The following TMEM74 variants were observed in gnomAD, a reference collection of about 807,000 sequenced individuals.
TMEM74 encodes transmembrane protein 74.
Under a neutral mutation model 18.1 loss-of-function variants are expected in TMEM74, and 13 were observed. The ratio of observed to expected loss-of-function variants is 0.72; its 90% confidence interval spans 0.47 to 1.14. The LOEUF is 1.14. Ranked by LOEUF, TMEM74 falls within the 50% of genes most tolerant of loss-of-function variation. The probability of loss-of-function intolerance (pLI) is 0.00; values close to 1 mark genes in which losing one functional copy is unlikely to be tolerated. For synonymous variants in TMEM74, 159 were observed against 146.6 expected (o/e 1.08, Z -0.61); for missense variants, 372 against 375.9 (o/e 0.99, Z 0.09).
At chr8:108,756,599 A>AGAAAGGGAGGAAGG (rs1586286215) in intron 1 of TMEM74, among the ~76,000 whole-genome samples, 10 of 51,554 alleles carry the variant, frequency 1.9e-4, no homozygotes, top group South Asian at 1.2e-3. Flanking sequence ...AAAGAAAGAG[A>AGAAAGGGAGGAAGG]AAGGAAGGAA....
At chr8:108,745,839 T>C (rs1813843584) in intron 1 of TMEM74, among the ~76,000 whole-genome samples, 1 of 152,198 alleles carries the variant, frequency 6.6e-6, no homozygotes, top group African/African-American at 2.4e-5. Context: ...ATCAGTTATG[T>C]TATCTATAGA....
intron 1 of TMEM74, among the ~76,000 whole-genome samples, chr8:108,772,626 G>A (rs1169628594): frequency 6.6e-6 from 1 of 152,126 alleles, no homozygotes; most frequent in Non-Finnish European, 1.5e-5. Flanking sequence ...GGAGGGAAGG[G>A]CAAACAGTTT....
chr8:108,690,940 A>G (rs1165230786), intron 1 of TMEM74, among the ~76,000 whole-genome samples: 1 of 152,226 alleles, frequency 6.6e-6, no homozygotes, highest in Non-Finnish European at 1.5e-5. Flanking sequence ...GCAGGAGCTC[A>G]CAAAGTTAAT....
chr8:108,709,745 A>G (rs1056506260), intron 1 of TMEM74, among the ~76,000 whole-genome samples: 1 of 152,192 alleles, frequency 6.6e-6, no homozygotes, highest in Non-Finnish European at 1.5e-5. Flanking sequence ...AACAAAGGGA[A>G]ATAAGGAAAA....
chr8:108,688,985 C>G (rs2130605598), intron 1 of TMEM74, among the ~76,000 whole-genome samples: 1 of 152,296 alleles, frequency 6.6e-6, no homozygotes, highest in African/African-American at 2.4e-5. Context: ...AGTCTGTATG[C>G]CAAGGGAATG....
At chr8:108,611,461 T>C (rs1195422746) in intron 2 of TMEM74, among the ~76,000 whole-genome samples, 1 of 152,204 alleles carries the variant, frequency 6.6e-6, no homozygotes, top group Non-Finnish European at 1.5e-5. Flanking sequence ...TTATAGTTAG[T>C]ATTTCATATT....
At chr8:108,657,858 AAATATATATATATATATATAT>A (rs1447684097) in intron 1 of TMEM74, among the ~76,000 whole-genome samples, 10 of 71,040 alleles carry the variant, frequency 1.4e-4, no homozygotes, top group South Asian at 1.1e-3. Flanking sequence ...AAAAAAAAAA[AAATATATATATATATATATAT>A]ATATATATAT....
intron 2 of TMEM74, among the ~76,000 whole-genome samples, chr8:108,614,590 A>G (rs539183164): frequency 8.8e-4 from 134 of 152,348 alleles, no homozygotes; most frequent in African/African-American, 2.8e-3. Flanking sequence ...TGTGAATGCT[A>G]CTAAACCATC....
chr8:108,746,188 C>T (rs1395492057), intron 1 of TMEM74, among the ~76,000 whole-genome samples: 1 of 152,084 alleles, frequency 6.6e-6, no homozygotes, highest in African/African-American at 2.4e-5. Flanking sequence ...TCAATGTTGT[C>T]CCAAGGAAAA....
intron 2 of TMEM74, among the ~76,000 whole-genome samples, chr8:108,637,011 C>A (rs932382616): frequency 2.0e-5 from 3 of 152,042 alleles, no homozygotes; most frequent in Non-Finnish European, 2.9e-5. Flanking sequence ...TACTATTAAG[C>A]AAGAGGTTCC....
chr8:108,713,887 A>T (rs1542830), intron 1 of TMEM74, among the ~76,000 whole-genome samples: 55,673 of 152,096 alleles, frequency 0.37, 10,664 homozygotes, highest in East Asian at 0.6. Flanking sequence ...TCCAAGGCCA[A>T]AGGCCTGAGA....
intron 2 of TMEM74, among the ~76,000 whole-genome samples, chr8:108,619,435 A>G (rs1267415064): frequency 6.6e-6 from 1 of 152,160 alleles, no homozygotes; most frequent in African/African-American, 2.4e-5. Flanking sequence ...AGAGGGCTGA[A>G]GCCTGTCCAC....
chr8:108,652,809 T>C (rs1157364436), intron 2 of TMEM74: 12 of 528,482 alleles, frequency 2.3e-5, no homozygotes, highest in Non-Finnish European at 4.3e-5. Flanking sequence ...AAAGAAGGAA[T>C]TGAGTAGACT....
intron 1 of TMEM74, among the ~76,000 whole-genome samples, chr8:108,723,642 A>G (rs979280202): frequency 8.5e-5 from 13 of 152,236 alleles, no homozygotes; most frequent in African/African-American, 2.7e-4. Context: ...ATTAACTTCA[A>G]TGCTCTGAAT....
chr8:108,623,275 C>A (rs2130545027), intron 2 of TMEM74, among the ~76,000 whole-genome samples: 1 of 152,186 alleles, frequency 6.6e-6, no homozygotes, highest in East Asian at 1.9e-4. Flanking sequence ...ACATTTAGGT[C>A]TTCAAAACTA....
At chr8:108,632,277 A>G (rs976086934) in intron 2 of TMEM74, among the ~76,000 whole-genome samples, 1 of 152,004 alleles carries the variant, frequency 6.6e-6, no homozygotes, top group South Asian at 2.1e-4. Flanking sequence ...GGACAGAAAA[A>G]ATGCTATCTT....
intron 1 of TMEM74, among the ~76,000 whole-genome samples, chr8:108,733,857 A>T (rs1326618513): frequency 6.6e-6 from 1 of 152,352 alleles, no homozygotes; most frequent in East Asian, 1.9e-4. Context: ...GGTATAAGCC[A>T]GTTGCTGAAA....
At chr8:108,658,592 A>G (rs758649365) in intron 1 of TMEM74, among the ~76,000 whole-genome samples, 23 of 152,198 alleles carry the variant, frequency 1.5e-4, no homozygotes, top group Non-Finnish European at 2.9e-4. Flanking sequence ...AAGGATTATG[A>G]GGAAAAAAGA....
chr8:108,722,266 C>A (rs764905270), intron 1 of TMEM74, among the ~76,000 whole-genome samples: 3 of 152,166 alleles, frequency 2.0e-5, no homozygotes, highest in Non-Finnish European at 4.4e-5. Flanking sequence ...GGGATTAGAA[C>A]ACAGACATCT....
Sources: allele counts gnomAD v4.1 joint callset (sites outside exome capture counted in the v4.1 genomes callset), GRCh38; gene constraint gnomAD v4.1.1; transcripts MANE v1.5; gene names NCBI Gene and HGNC (gene_info 2026-07-23, HGNC 2026-07-21).